The following SGPL1 variants were observed in gnomAD, a reference collection of about 807,000 sequenced individuals.
SGPL1 encodes sphingosine-1-phosphate lyase 1.
Under a neutral mutation model 68.9 loss-of-function variants are expected in SGPL1, and 37 were observed. That is an observed-to-expected ratio of 0.54 (90% CI 0.41 to 0.71). The LOEUF is 0.71. Among genes scored for constraint, SGPL1 ranks in the 30% least tolerant of loss-of-function variants. The pLI is 0.00. For missense variants in SGPL1, 551 were observed against 704.6 expected (o/e 0.78, Z 2.47); for synonymous variants, 236 against 248.5 (o/e 0.95, Z 0.47).
chr10:70,872,765 G>T (rs1391888788), intron 11 of SGPL1, among the ~76,000 whole-genome samples: 1 of 152,122 alleles, frequency 6.6e-6, no homozygotes, highest in African/African-American at 2.4e-5. Flanking sequence ...TTTCTGGATG[G>T]TTCAGGTAAT....
chr10:70,873,712 G>GCTTAA, intron 12 of SGPL1, 123 bp downstream of exon 12: 1 of 747,456 alleles, frequency 1.3e-6, no homozygotes, highest in South Asian at 1.6e-5. Context: ...GATATAGAGG[G>GCTTAA]CTTAGGGCAG....
Position 70,878,010 on chromosome 10 carries a change from G to C in SGPL1, c.*675G>C, listed in dbSNP as rs1188179493. 2 of 151,856 alleles carry C rather than the reference G, an allele frequency of 1.3e-5. No individual in the cohort carries two copies. The highest frequency in any genetic ancestry group is 2.9e-5 in the Non-Finnish European group (2 of 68,022). 9.4% of individuals were successfully genotyped at this position (151,856 alleles called of 1,614,324 possible). A position where few individuals can be genotyped will look rare whatever the true frequency, so the allele number is the denominator to read the frequency against. ...TTCAATTTTCTTTTTCAGTAGAGAC[G>C]GGTTCACCGTGTTGGCCAGGCTGGT... On this transcript the variant is annotated 3_prime_UTR_variant, in exon 15 of 15. Coordinates refer to ENST00000373202, the MANE Select transcript of SGPL1 (RefSeq NM_003901.4).
chr10:70,867,389 C>T (rs577196639), intron 7 of SGPL1, among the ~76,000 whole-genome samples: 54 of 152,120 alleles, frequency 3.5e-4, no homozygotes, highest in Admixed American at 1.8e-3. Flanking sequence ...ATGGTGAAAC[C>T]CCGTCTCTGC....
Position 70,877,806 on chromosome 10 carries a change from CTCTTTTTTTTTTT to C in SGPL1, c.*473_*485del, listed in dbSNP as rs1290250345. The C allele has an allele frequency of 8.3e-6, 1 of 120,374 alleles. No individual in the cohort carries two copies. The highest frequency in any genetic ancestry group is 3.4e-5 in the African/African-American group (1 of 29,666). The allele number at this position is 120,374 out of a possible 1,614,324, so 7.5% of individuals were successfully genotyped here. A position where few individuals can be genotyped will look rare whatever the true frequency, so the allele number is the denominator to read the frequency against. On this transcript the variant is annotated 3_prime_UTR_variant, in exon 15 of 15. Coordinates refer to ENST00000373202, the MANE Select transcript of SGPL1 (RefSeq NM_003901.4). ...GCAGGAGGCTTTTTCAGCCTTCTCT[CTCTTTTTTTTTTT>C]TTTTTTTTTTTTTGAGATGGAATTT...
chr10:70,857,680 T>C lies in SGPL1; in HGVS notation c.476T>C (p.Leu159Pro), dbSNP rs763564583. ...AGTGGGGAGGAGAAGCTCACTGAGC[T>C]CCTTGTGAAGGTGAGTGTCCAGTTC... is the stretch of plus-strand genomic sequence containing the variant. The part of the protein sequence containing the change: ...VYSGEEKLTE[L>P]LVKAYGDFAW... The change falls in exon 6 of 15, where the codon CTC (leucine) becomes CCC (proline). Residue 159 changes from leucine (L) to proline (P), a missense_variant. Coordinates refer to ENST00000373202, the MANE Select transcript of SGPL1 (RefSeq NM_003901.4). 1.9e-6 allele frequency: 3 copies of C among 1,610,600 alleles called. No homozygotes were observed. The highest frequency in any genetic ancestry group is 1.7e-5 in the Admixed American group (1 of 59,694).
chr10:70,839,392 G>A (rs1358542106), intron 2 of SGPL1, among the ~76,000 whole-genome samples: 1 of 151,598 alleles, frequency 6.6e-6, no homozygotes, highest in Non-Finnish European at 1.5e-5. Context: ...AACAGTGAAG[G>A]AAGGAATGTT....
intron 7 of SGPL1, among the ~76,000 whole-genome samples, chr10:70,861,585 C>T (rs945411824): frequency 6.6e-6 from 1 of 152,220 alleles, no homozygotes; most frequent in Non-Finnish European, 1.5e-5. Flanking sequence ...TGTAGGAGCC[C>T]CTTTCTGGGC....
At chr10:70,822,531 T>C (rs1845356319) in intron 2 of SGPL1, among the ~76,000 whole-genome samples, 1 of 152,228 alleles carries the variant, frequency 6.6e-6, no homozygotes, top group Non-Finnish European at 1.5e-5. Flanking sequence ...AGGGAATTGA[T>C]GTGAATCAGT....
At chr10:70,822,746 T>C (rs1219192406) in intron 2 of SGPL1, among the ~76,000 whole-genome samples, 1 of 151,708 alleles carries the variant, frequency 6.6e-6, no homozygotes, top group Non-Finnish European at 1.5e-5. Context: ...GGAAAACATC[T>C]AGGTGAAACA....
At chr10:70,860,241 A>T (rs1341534565) in intron 7 of SGPL1, among the ~76,000 whole-genome samples, 1 of 152,176 alleles carries the variant, frequency 6.6e-6, no homozygotes, top group Admixed American at 6.5e-5. Context: ...TGTAGGATAG[A>T]TAGATTTAAC....
At chr10:70,822,049 T>C (rs1845348291) in intron 2 of SGPL1, among the ~76,000 whole-genome samples, 2 of 152,250 alleles carry the variant, frequency 1.3e-5, no homozygotes, top group African/African-American at 4.8e-5. Context: ...CGTCTTTATC[T>C]GTGACCCTTG....
At chr10:70,852,295 C>T (rs1845896141) in intron 4 of SGPL1, among the ~76,000 whole-genome samples, 2 of 152,308 alleles carry the variant, frequency 1.3e-5, no homozygotes, top group East Asian at 1.9e-4. Flanking sequence ...TGCTAACTCT[C>T]CCAGAGATAG....
chr10:70,864,781 T>C (rs1028364929), intron 7 of SGPL1, among the ~76,000 whole-genome samples: 4 of 152,232 alleles, frequency 2.6e-5, no homozygotes, highest in African/African-American at 9.6e-5. Context: ...ATTGTTCTTA[T>C]GCACTGTGGG....
chr10:70,880,778 T>G lies in SGPL1; in HGVS notation c.*3443T>G, dbSNP rs1846483588. On this transcript the variant is annotated 3_prime_UTR_variant, in exon 15 of 15. Transcript: ENST00000373202. ...TTTTTTGCTACAGTTTTCTGCCAAA[T>G]GGCCTAGTTCCTGAGTACCTGGAAA... The G allele has an allele frequency of 6.6e-6, 1 of 152,194 alleles. No individual in the cohort carries two copies. The highest frequency in any genetic ancestry group is 6.5e-5 in the Admixed American group (1 of 15,278). 9.4% of individuals were successfully genotyped at this position (152,194 alleles called of 1,614,324 possible).
At chr10:70,823,104 A>G (rs953883292) in intron 2 of SGPL1, among the ~76,000 whole-genome samples, 8 of 151,966 alleles carry the variant, frequency 5.3e-5, no homozygotes, top group Non-Finnish European at 1.0e-4. Flanking sequence ...GGACTGAAAC[A>G]CTTAGGAGTT....
chr10:70,828,521 C>G (rs1347300694), intron 2 of SGPL1, among the ~76,000 whole-genome samples: 2 of 152,120 alleles, frequency 1.3e-5, no homozygotes, highest in Non-Finnish European at 2.9e-5. Flanking sequence ...ATGTGAAATG[C>G]CCTTCCTTTT....
At chr10:70,861,034 CTTT>C (rs75728471) in intron 7 of SGPL1, among the ~76,000 whole-genome samples, 15 of 136,728 alleles carry the variant, frequency 1.1e-4, no homozygotes, top group Admixed American at 1.5e-4. Flanking sequence ...TCTTTCTTTC[CTTT>C]TTTTTTTTTT....
In SGPL1 at chr10:70,835,735, C is replaced by CAAAAAAAAAA. The variant is rs66962270; in HGVS notation, c.28-8729_28-8720dup. On this transcript the variant is annotated intron_variant, in intron 2 of 14. Transcript: ENST00000373202. ...TGGGTGACAGAGCAAGACTCCGTCT[C>CAAAAAAAAAA]AAAAAAAAAAAAAAAAAAGAAATGC... is the stretch of plus-strand genomic sequence containing the variant. Among the ~76,000 whole-genome samples, 460 of 70,062 alleles carry CAAAAAAAAAA rather than the reference C, an allele frequency of 6.6e-3. 9 individuals are homozygous for CAAAAAAAAAA. The highest frequency in any genetic ancestry group is 0.016 in the African/African-American group (265 of 16,746). 46.0% of individuals were successfully genotyped at this position (70,062 alleles called of 152,430 possible).
In SGPL1 at chr10:70,876,603, A is replaced by G. The variant is rs1162726014; in HGVS notation, c.1508A>G (p.Asp503Gly). Residue 503 changes from aspartate (D) to glycine (G), a missense_variant, in exon 14 of 15, where the codon GAC becomes GGC. Transcript: ENST00000373202. ...RKRVAIQFLK[D>G]IRESVTQIMK... ...CGAGTAGCTATACAATTCCTAAAGG[A>G]CATTCGAGAATCTGTCACTCAAATC... The G allele has an allele frequency of 1.2e-6, 2 of 1,612,966 alleles. No homozygotes were observed. Among genetic ancestry groups the G allele is most frequent in the Non-Finnish European group, 1.7e-6 (2 of 1,179,050 alleles).
Sources: gnomAD v4.1 joint callset for allele counts (sites outside exome capture counted in the v4.1 genomes callset) on GRCh38, gnomAD v4.1.1 for gene constraint, MANE v1.5 for transcripts, NCBI Gene and HGNC (gene_info 2026-07-23, HGNC 2026-07-21) for gene names.